Variants in JPT1 observed in about 807,000 individuals in gnomAD.
JPT1 encodes Jupiter microtubule associated homolog 1.
A neutral mutation model predicts 17.0 loss-of-function variants in JPT1; 5 were observed. That is an observed-to-expected ratio of 0.29 (90% CI 0.15 to 0.62). The LOEUF (loss-of-function observed/expected upper bound fraction) is 0.62, where lower values mean the gene tolerates loss of function less well. Among genes scored for constraint, JPT1 ranks in the 20% least tolerant of loss-of-function variants. The pLI is 0.85. For synonymous variants in JPT1, 71 were observed against 73.6 expected (o/e 0.96, Z 0.18); for missense variants, 158 against 188.1 (o/e 0.84, Z 0.94).
At chr17:75,140,639 G>A (rs916453242) in intron 4 of JPT1, among the ~76,000 whole-genome samples, 1 of 152,158 alleles carries the variant, frequency 6.6e-6, no homozygotes, top group African/African-American at 2.4e-5. Flanking sequence ...CTGAATTGGG[G>A]TTGACCTTTA....
chr17:75,152,674 C>G (rs1452517572), intron 1 of JPT1, among the ~76,000 whole-genome samples: 1 of 152,234 alleles, frequency 6.6e-6, no homozygotes, highest in African/African-American at 2.4e-5. Context: ...CAACTCAACC[C>G]CAAAGAATAA....
At chr17:75,150,815 T>G (rs2074534452) in intron 1 of JPT1, among the ~76,000 whole-genome samples, 1 of 151,320 alleles carries the variant, frequency 6.6e-6, no homozygotes, top group Non-Finnish European at 1.5e-5. Flanking sequence ...TGTTTCTTCA[T>G]AAGGCAGTTT....
chr17:75,138,724 CACTT>C (rs1311971216), intron 4 of JPT1, among the ~76,000 whole-genome samples: 1 of 152,088 alleles, frequency 6.6e-6, no homozygotes, highest in Non-Finnish European at 1.5e-5. Flanking sequence ...AGGTCTTTAA[CACTT>C]ACTCTCAATT....
chr17:75,147,411 T>A, intron 3 of JPT1, 145 bp downstream of exon 3: 1 of 594,650 alleles, frequency 1.7e-6, no homozygotes, highest in Non-Finnish European at 3.0e-6. Context: ...ATGATTTTAC[T>A]ATCAATCTTC....
At chr17:75,149,686 T>A (rs1411765055) in intron 1 of JPT1, among the ~76,000 whole-genome samples, 1 of 152,140 alleles carries the variant, frequency 6.6e-6, no homozygotes, top group African/African-American at 2.4e-5. Flanking sequence ...AAATAAATTT[T>A]AAAAAATCAC....
intron 3 of JPT1, 156 bp downstream of exon 3, chr17:75,147,400 T>C (rs1252973779): frequency 1.0e-5 from 6 of 586,142 alleles, no homozygotes; most frequent in Non-Finnish European, 1.8e-5. Context: ...AACACACTTC[T>C]ATGATTTTAC....
At chr17:75,153,569 C>G (rs2074586064) in intron 1 of JPT1, 1 of 152,324 alleles carries the variant, frequency 6.6e-6, no homozygotes, top group African/African-American at 2.4e-5. Context: ...AGAAAACCCA[C>G]TCGGGTTGGC....
At chr17:75,144,255 C>A (rs1465047546) in intron 4 of JPT1, among the ~76,000 whole-genome samples, 1 of 152,048 alleles carries the variant, frequency 6.6e-6, no homozygotes, top group Non-Finnish European at 1.5e-5. Flanking sequence ...GGTACAGTGG[C>A]TCATGCCTGT....
chr17:75,143,140 G>C (rs1279215116), intron 4 of JPT1, among the ~76,000 whole-genome samples: 1 of 152,240 alleles, frequency 6.6e-6, no homozygotes, highest in East Asian at 1.9e-4. Context: ...GAGAGGCCAA[G>C]AAGAATCTAA....
At chr17:75,140,135 C>G (rs2074280222) in intron 4 of JPT1, among the ~76,000 whole-genome samples, 1 of 152,068 alleles carries the variant, frequency 6.6e-6, no homozygotes, top group Non-Finnish European at 1.5e-5. Flanking sequence ...CCAGGATGGT[C>G]TTGATCTCTT....
rs1465584148 is a variant in JPT1 at position 75,147,943 on chromosome 17, G to A, written c.200-290C>T. ...GAACTCGGGAGGTGGAGGTTGTGGT[G>A]TGCCAAGATGGCACCACTGCACTCT... is the stretch of plus-strand genomic sequence containing the variant. On this transcript the variant is annotated intron_variant, in intron 2 of 4. Coordinates refer to ENST00000409753, the MANE Select transcript of JPT1 (RefSeq NM_016185.4). 4 of 369,040 alleles carry A rather than the reference G, an allele frequency of 1.1e-5. No homozygotes were observed. The East Asian group carries it at 2.0e-4, about 19-fold the overall frequency. The allele number at this position is 369,040 out of a possible 1,614,324, so 22.9% of individuals were successfully genotyped here.
chr17:75,142,848 G>A (rs1410215782), intron 4 of JPT1: 3 of 452,050 alleles, frequency 6.6e-6, no homozygotes, highest in African/African-American at 2.0e-5. Context: ...AAAGTAACTG[G>A]TCCTGTGATA....
intron 1 of JPT1, 135 bp from the exon 2 acceptor site, chr17:75,148,806 G>C: frequency 9.4e-7 from 1 of 1,069,138 alleles, no homozygotes. Context: ...CTGCTAACAG[G>C]AAAAAAGAAT....
At chr17:75,137,516 C>T (rs1021391263) in intron 4 of JPT1, among the ~76,000 whole-genome samples, 2 of 149,160 alleles carry the variant, frequency 1.3e-5, no homozygotes, top group Admixed American at 1.3e-4. Context: ...ACCACCACAA[C>T]TGGCTATTTT....
intron 4 of JPT1, among the ~76,000 whole-genome samples, chr17:75,139,909 G>A (rs2074276232): frequency 1.3e-5 from 2 of 152,128 alleles, no homozygotes; most frequent in Non-Finnish European, 2.9e-5. Flanking sequence ...ATAAGTACAG[G>A]AATTGAGAGT....
intron 4 of JPT1, among the ~76,000 whole-genome samples, chr17:75,137,324 T>G (rs79396814): frequency 0.02 from 2,967 of 150,538 alleles, 98 homozygotes; most frequent in African/African-American, 0.069. Context: ...TTTTTAGTTT[T>G]TTTGTTTGTT....
intron 4 of JPT1, among the ~76,000 whole-genome samples, chr17:75,140,317 AAT>A (rs1244919061): frequency 6.6e-6 from 1 of 152,226 alleles, no homozygotes; most frequent in Non-Finnish European, 1.5e-5. Flanking sequence ...TTTCTACCAA[AAT>A]ATACATTTTA....
intron 3 of JPT1, 55 bp from the exon 4 acceptor site, chr17:75,146,739 A>C (rs956045607): frequency 9.2e-5 from 101 of 1,096,650 alleles, no homozygotes; most frequent in Non-Finnish European, 1.3e-4. Context: ...TGGAACACGC[A>C]AAACAGTCAT....
At position 75,142,628 on chromosome 17, in the gene JPT1, AGG is replaced by A. The variant is rs1390090012; in HGVS notation, c.316+4036_316+4037del. On this transcript the variant is annotated intron_variant, in intron 4 of 4. Transcript: ENST00000409753. ...GGAAGGGGGAGAGAGGAGGGGAGGGAGGGGAGGGAGGGGAGGGGGGGATGGAG... is the reference window on the plus strand; with the variant it reads ...GGAAGGGGGAGAGAGGAGGGGAGGGAGGAGGGAGGGGAGGGGGGGATGGAG... The A allele has an allele frequency of 4.9e-5, 11 of 222,988 alleles. No individual in the cohort carries two copies. The African/African-American group carries it at 5.2e-4, about 11-fold the overall frequency. 13.8% of individuals were successfully genotyped at this position (222,988 alleles called of 1,614,324 possible). A position where few individuals can be genotyped will look rare whatever the true frequency, so the allele number is the denominator to read the frequency against.
Sources: allele counts gnomAD v4.1 joint callset (sites outside exome capture counted in the v4.1 genomes callset), GRCh38; gene constraint gnomAD v4.1.1; transcripts MANE v1.5; gene names NCBI Gene and HGNC (gene_info 2026-07-23, HGNC 2026-07-21).